The following SEMA3A variants were observed in gnomAD, a reference collection of about 807,000 sequenced individuals.
The protein encoded by SEMA3A is semaphorin-3A.
SEMA3A carries 29 observed loss-of-function variants against 97.9 expected under a neutral mutation model. That is an observed-to-expected ratio of 0.30 (90% CI 0.22 to 0.40). The LOEUF is 0.40. SEMA3A is among the 10% of genes least tolerant of loss of function. The pLI is 1.00. For synonymous variants in SEMA3A, 321 were observed against 323.7 expected (o/e 0.99, Z 0.09); for missense variants, 763 against 951.3 (o/e 0.80, Z 2.60).
At chr7:84,215,176 T>TTTAG (rs1798719397) in intron 3 of SEMA3A, among the ~76,000 whole-genome samples, 1 of 140,824 alleles carries the variant, frequency 7.1e-6, no homozygotes, top group African/African-American at 2.6e-5. Context: ...TGGCCCTTAT[T>TTTAG]TTATTTATTT....
chr7:84,482,864 GTT>G (rs11396239), intron 1 of SEMA3A, among the ~76,000 whole-genome samples: 8 of 139,810 alleles, frequency 5.7e-5, no homozygotes, highest in Admixed American at 7.2e-5. Flanking sequence ...CAAAATTCTA[GTT>G]TTTTTTTTTT....
chr7:84,085,346 A>G (rs576476365), intron 4 of SEMA3A, among the ~76,000 whole-genome samples: 1 of 152,058 alleles, frequency 6.6e-6, no homozygotes, highest in South Asian at 2.1e-4. Context: ...GTAGGAGGAT[A>G]TCATATTACA....
intron 1 of SEMA3A, among the ~76,000 whole-genome samples, chr7:84,449,897 T>C (rs1378944981): frequency 2.6e-5 from 4 of 152,210 alleles, no homozygotes; most frequent in Admixed American, 6.5e-5. Flanking sequence ...ATCCACGTTG[T>C]TGAAATGGCA....
At chr7:84,491,544 C>G (rs1482049367) in intron 1 of SEMA3A, among the ~76,000 whole-genome samples, 1 of 152,120 alleles carries the variant, frequency 6.6e-6, no homozygotes, top group Admixed American at 6.6e-5. Flanking sequence ...CAAACACATT[C>G]TTTTACATTG....
chr7:84,150,586 T>G (rs540789841), intron 1 of SEMA3A, among the ~76,000 whole-genome samples: 2 of 151,630 alleles, frequency 1.3e-5, no homozygotes, highest in African/African-American at 4.8e-5. Flanking sequence ...GCTCAGAGGG[T>G]CCTACCCTAT....
At chr7:83,965,701 G>C (rs1375559967) in intron 15 of SEMA3A, among the ~76,000 whole-genome samples, 1 of 23,520 alleles carries the variant, frequency 4.3e-5, no homozygotes, top group Non-Finnish European at 8.6e-5. Context: ...TTTTTTTTGA[G>C]ACGGAGTCTT....
At chr7:84,175,975 C>G (rs905110265) in intron 1 of SEMA3A, among the ~76,000 whole-genome samples, 1 of 152,132 alleles carries the variant, frequency 6.6e-6, no homozygotes, top group Non-Finnish European at 1.5e-5. Flanking sequence ...ATTAAATTTT[C>G]TCAGCACTCC....
chr7:84,110,486 A>G lies in SEMA3A; in HGVS notation c.437T>C (p.Ile146Thr), dbSNP rs1279027247. The change falls in exon 4 of 17, where the codon ATT (isoleucine) becomes ACT (threonine). Residue 146 changes from isoleucine to threonine, a missense_variant. Coordinates refer to ENST00000265362, the MANE Select transcript of SEMA3A (RefSeq NM_006080.3). Reference protein sequence around the residue: ...AFHPICTYIEIGHHPEDNIFK... With the variant: ...AFHPICTYIETGHHPEDNIFK... Reference sequence around the variant, plus strand: ...CAGCGTTACCTCAGGATGATGTCCAATTTCAATGTAGGTGCAAATTGGATG... The same window carrying G: ...CAGCGTTACCTCAGGATGATGTCCAGTTTCAATGTAGGTGCAAATTGGATG... 6.2e-7 allele frequency: 1 copy of G among 1,613,922 alleles called. No individual in the cohort carries two copies. The highest frequency in any genetic ancestry group is 1.7e-5 in the Admixed American group (1 of 59,998).
chr7:84,017,085 T>A (rs1791133502), intron 6 of SEMA3A, among the ~76,000 whole-genome samples: 1 of 152,156 alleles, frequency 6.6e-6, no homozygotes, highest in South Asian at 2.1e-4. Context: ...TAATATATAA[T>A]CCTTGTTCTC....
At chr7:84,052,440 G>A (rs1055012787) in intron 5 of SEMA3A, among the ~76,000 whole-genome samples, 2 of 152,148 alleles carry the variant, frequency 1.3e-5, no homozygotes, top group African/African-American at 4.8e-5. Context: ...TTAGTCTTGG[G>A]AGAGTGTATG....
intron 2 of SEMA3A, among the ~76,000 whole-genome samples, chr7:84,344,071 C>G (rs2115998090): frequency 6.6e-6 from 1 of 151,828 alleles, no homozygotes; most frequent in Non-Finnish European, 1.5e-5. Flanking sequence ...AAGAAGTAAT[C>G]TGACTTTACA....
In SEMA3A at chr7:84,183,199, T is replaced by TGAA. The variant is rs144702571; in HGVS notation, c.112+11273_112+11275dup. 0.011 allele frequency among the ~76,000 whole-genome samples: 1,664 copies of TGAA among 152,242 alleles called. 53 individuals are homozygous for TGAA. In the East Asian group the frequency reaches 0.14, roughly 12 times the overall value. ...CTACCCATATTAAGGAAGAGGAAAC[T>TGAA]GAAGCTGAAAAATAAAATACCATGC... On this transcript the variant is annotated intron_variant, in intron 1 of 16. Coordinates refer to ENST00000265362, the MANE Select transcript of SEMA3A (RefSeq NM_006080.3).
intron 3 of SEMA3A, among the ~76,000 whole-genome samples, chr7:84,272,444 T>C (rs1800174048): frequency 6.6e-6 from 1 of 152,060 alleles, no homozygotes; most frequent in Non-Finnish European, 1.5e-5. Flanking sequence ...TTTAACTGAG[T>C]ATTAATAGCA....
At chr7:84,396,146 A>G (rs1239078725) in intron 1 of SEMA3A, among the ~76,000 whole-genome samples, 1 of 152,086 alleles carries the variant, frequency 6.6e-6, no homozygotes, top group Admixed American at 6.6e-5. Flanking sequence ...GACTAGCAGG[A>G]ATAGGTGAAA....
chr7:84,065,405 G>T (rs1251884132), intron 4 of SEMA3A, among the ~76,000 whole-genome samples: 21 of 149,242 alleles, frequency 1.4e-4, no homozygotes, highest in African/African-American at 4.8e-4. Context: ...CAGAAGGCAA[G>T]AAATAACTAA....
intron 3 of SEMA3A, among the ~76,000 whole-genome samples, chr7:84,124,536 C>G (rs1795732538): frequency 6.6e-6 from 1 of 152,100 alleles, no homozygotes; most frequent in Admixed American, 6.6e-5. Context: ...CTATTATTTA[C>G]CCAAGATACA....
intron 1 of SEMA3A, among the ~76,000 whole-genome samples, chr7:84,482,822 C>G (rs1298461849): frequency 6.7e-6 from 1 of 149,946 alleles, no homozygotes; most frequent in Non-Finnish European, 1.5e-5. Context: ...TATGTGAAAC[C>G]TTATTTATTT....
intron 1 of SEMA3A, among the ~76,000 whole-genome samples, chr7:84,422,248 G>A (rs1468694688): frequency 6.6e-6 from 1 of 151,880 alleles, no homozygotes; most frequent in African/African-American, 2.4e-5. Context: ...AGTCTTGGGA[G>A]GGTGTATGTG....
At chr7:84,206,272 C>T (rs1281593222) in intron 3 of SEMA3A, among the ~76,000 whole-genome samples, 2 of 150,986 alleles carry the variant, frequency 1.3e-5, no homozygotes, top group Non-Finnish European at 2.9e-5. Context: ...GCCAATTTTA[C>T]TCTGGTGAAT....
Sources: allele counts gnomAD v4.1 joint callset (sites outside exome capture counted in the v4.1 genomes callset), GRCh38; gene constraint gnomAD v4.1.1; transcripts MANE v1.5; gene names NCBI Gene and HGNC (gene_info 2026-07-23, HGNC 2026-07-21).